The following KCNB2 variants were observed in gnomAD, a reference collection of about 807,000 sequenced individuals.
The protein encoded by KCNB2 is potassium voltage-gated channel subfamily B member 2.
In KCNB2, 15 loss-of-function variants were observed where a neutral mutation model predicts 61.5. The observed-to-expected ratio is 0.24, with a 90% CI of 0.16 to 0.38. The LOEUF is 0.38. Among genes scored for constraint, KCNB2 ranks in the 10% least tolerant of loss-of-function variants. The probability of loss-of-function intolerance (pLI) is 1.00; values close to 1 mark genes in which losing one functional copy is unlikely to be tolerated. For missense variants in KCNB2, 828 were observed against 1,125.2 expected (o/e 0.74, Z 3.78); for synonymous variants, 457 against 446.0 (o/e 1.02, Z -0.31).
intron 2 of KCNB2, among the ~76,000 whole-genome samples, chr8:72,743,737 T>C (rs911163714): frequency 6.6e-6 from 1 of 152,246 alleles, no homozygotes; most frequent in African/African-American, 2.4e-5. Flanking sequence ...TATGACATAT[T>C]GTATATATAC....
chr8:72,861,314 A>G (rs2129004038), intron 2 of KCNB2, among the ~76,000 whole-genome samples: 1 of 152,338 alleles, frequency 6.6e-6, no homozygotes, highest in Non-Finnish European at 1.5e-5. Flanking sequence ...GTCATTTGTT[A>G]TAATGCAATT....
rs182202667 is a variant in KCNB2 at position 72,571,670 on chromosome 8, A to T, written c.579+3357A>T. ...GTCCTCATATAGAAATAATTTACAC[A>T]GTTTAAATTTGAGATGGTTTGTGAA... On this transcript the variant is annotated intron_variant, in intron 2 of 2. Transcript: ENST00000523207. Among the ~76,000 whole-genome samples the T allele has an allele frequency of 1.1e-4, 17 of 152,272 alleles. No homozygotes were observed. The East Asian group carries it at 1.2e-3, about 10-fold the overall frequency.
At chr8:72,666,776 CTGAAAAAA>C (rs137977653) in intron 2 of KCNB2, among the ~76,000 whole-genome samples, 2,574 of 151,684 alleles carry the variant, frequency 0.017, 52 homozygotes, top group African/African-American at 0.056. Flanking sequence ...CCTCAGCCTC[CTGAAAAAA>C]TAGAAAGATT....
chr8:72,583,411 T>C (rs1417163670), intron 2 of KCNB2, among the ~76,000 whole-genome samples: 2 of 152,144 alleles, frequency 1.3e-5, no homozygotes, highest in African/African-American at 2.4e-5. Flanking sequence ...ATGATATCTG[T>C]TTTTGAGTTT....
intron 2 of KCNB2, among the ~76,000 whole-genome samples, chr8:72,909,483 A>G (rs1010565801): frequency 1.3e-5 from 2 of 152,162 alleles, no homozygotes; most frequent in Non-Finnish European, 2.9e-5. Flanking sequence ...CGGCAGGACA[A>G]GATCACACAG....
chr8:72,727,332 T>G (rs1341978088), intron 2 of KCNB2, among the ~76,000 whole-genome samples: 2 of 152,166 alleles, frequency 1.3e-5, no homozygotes, highest in Non-Finnish European at 2.9e-5. Flanking sequence ...AACTCAGAAA[T>G]AGGGATAAGG....
intron 2 of KCNB2, among the ~76,000 whole-genome samples, chr8:72,857,054 A>G (rs1378638284): frequency 6.6e-6 from 1 of 152,242 alleles, no homozygotes; most frequent in Non-Finnish European, 1.5e-5. Flanking sequence ...CTTGAGAAAT[A>G]TAATCTTACT....
intron 2 of KCNB2, among the ~76,000 whole-genome samples, chr8:72,667,705 G>T (rs1289036996): frequency 6.6e-6 from 1 of 152,008 alleles, no homozygotes; most frequent in Non-Finnish European, 1.5e-5. Context: ...ATCATCTCCT[G>T]CGTGGCTCCC....
At chr8:72,772,011 A>G (rs73313529) in intron 2 of KCNB2, among the ~76,000 whole-genome samples, 4,004 of 152,250 alleles carry the variant, frequency 0.026, 62 homozygotes, top group African/African-American at 0.037. Context: ...TGAAGGAGTC[A>G]GGAAGAAAGC....
chr8:72,862,812 T>A (rs1285163163), intron 2 of KCNB2, among the ~76,000 whole-genome samples: 3 of 152,160 alleles, frequency 2.0e-5, no homozygotes, highest in Non-Finnish European at 4.4e-5. Flanking sequence ...GAAACACTAA[T>A]GAGCCCTTAT....
chr8:72,691,591 A>G (rs560313903), intron 2 of KCNB2, among the ~76,000 whole-genome samples: 1 of 152,314 alleles, frequency 6.6e-6, no homozygotes, highest in South Asian at 2.1e-4. Context: ...GTAGCAACTT[A>G]CTAAAAATTT....
chr8:72,572,295 G>T (rs183138592), intron 2 of KCNB2, among the ~76,000 whole-genome samples: 2 of 152,294 alleles, frequency 1.3e-5, no homozygotes, highest in Admixed American at 1.3e-4. Flanking sequence ...ACAACAGGCT[G>T]ATCTCAGGTG....
chr8:72,794,564 C>CAAAA (rs397892520), intron 2 of KCNB2, among the ~76,000 whole-genome samples: 4 of 56,944 alleles, frequency 7.0e-5, no homozygotes, highest in African/African-American at 1.4e-4. Context: ...GACTCCATCT[C>CAAAA]AAAAAAAAAA....
At chr8:72,693,205 T>A (rs1337446426) in intron 2 of KCNB2, among the ~76,000 whole-genome samples, 1 of 152,144 alleles carries the variant, frequency 6.6e-6, no homozygotes, top group Non-Finnish European at 1.5e-5. Flanking sequence ...ACATGGTGGA[T>A]GATATGTGTG....
chr8:72,906,485 G>T (rs1305817431), intron 2 of KCNB2, among the ~76,000 whole-genome samples: 1 of 152,130 alleles, frequency 6.6e-6, no homozygotes, highest in African/African-American at 2.4e-5. Flanking sequence ...GTGTTCAATG[G>T]TTTAAAAATA....
intron 2 of KCNB2, among the ~76,000 whole-genome samples, chr8:72,822,301 A>G (rs929154981): frequency 2.1e-4 from 32 of 152,190 alleles, no homozygotes; most frequent in African/African-American, 7.0e-4. Context: ...AAGTTCCTAG[A>G]TGGGGAGGGC....
intron 1 of KCNB2, among the ~76,000 whole-genome samples, chr8:72,549,814 A>G (rs1406778844): frequency 6.6e-6 from 1 of 152,106 alleles, no homozygotes; most frequent in Non-Finnish European, 1.5e-5. Context: ...CTAATCAATC[A>G]GTATTATAGT....
intron 2 of KCNB2, among the ~76,000 whole-genome samples, chr8:72,846,722 C>G (rs1255735747): frequency 6.6e-6 from 1 of 152,074 alleles, no homozygotes; most frequent in African/African-American, 2.4e-5. Flanking sequence ...CATCCCACAC[C>G]AATTAGAATG....
intron 2 of KCNB2, among the ~76,000 whole-genome samples, chr8:72,868,292 G>A (rs7820602): frequency 0.02 from 3,058 of 151,030 alleles, 107 homozygotes; most frequent in African/African-American, 0.07. Context: ...TAAGGACCCC[G>A]TTACTGGCCG....
Sources: gnomAD v4.1 joint callset for allele counts (sites outside exome capture counted in the v4.1 genomes callset) on GRCh38, gnomAD v4.1.1 for gene constraint, MANE v1.5 for transcripts, NCBI Gene and HGNC (gene_info 2026-07-23, HGNC 2026-07-21) for gene names.